Variants in GFPT2 observed in about 807,000 individuals in gnomAD.
GFPT2 encodes the protein glutamine--fructose-6-phosphate aminotransferase [isomerizing] 2.
GFPT2 carries 62 observed loss-of-function variants against 85.6 expected under a neutral mutation model. The ratio of observed to expected loss-of-function variants is 0.72; its 90% CI spans 0.59 to 0.90. GFPT2 has a LOEUF of 0.90. Ranked by LOEUF, GFPT2 falls within the 40% of genes least tolerant of loss-of-function variation. The pLI is 0.00. For missense variants in GFPT2, 788 were observed against 893.4 expected, an observed-to-expected ratio of 0.88 and a Z score of 1.50; for synonymous variants, 368 against 344.5, an observed-to-expected ratio of 1.07 and a Z score of -0.75.
chr5:180,321,916 T>C (rs192384932), intron 9 of GFPT2, among the ~76,000 whole-genome samples: 307 of 152,168 alleles, frequency 2.0e-3, no homozygotes, highest in African/African-American at 7.2e-3. Flanking sequence ...CCCGAGTAGC[T>C]GGGACTACAG....
At chr5:180,352,166 G>C (rs188560342) in intron 1 of GFPT2, among the ~76,000 whole-genome samples, 2 of 151,974 alleles carry the variant, frequency 1.3e-5, no homozygotes, top group Non-Finnish European at 2.9e-5. Context: ...CCCTTCTGCC[G>C]AGCAGCTGGC....
Position 180,304,946 on chromosome 5 carries a change from A to T in GFPT2, c.1675-7T>A. The T allele has an allele frequency of 6.3e-7, 1 of 1,599,484 alleles. No homozygotes were observed. Among genetic ancestry groups the T allele is most frequent in the South Asian group, 1.1e-5 (1 of 90,692 alleles). ...AGGTTATCTCTTTAATTTTCTGGAA[A>T]CAGGAGGTGAGATCAGAGTCACACT... On this transcript the variant is annotated splice_polypyrimidine_tract_variant and splice_region_variant and intron_variant, in intron 16 of 18. Transcript: ENST00000253778.
In GFPT2 at chr5:180,348,634, C is replaced by T. The variant is rs189782452; in HGVS notation, c.7+4577G>A. Among the ~76,000 whole-genome samples the T allele has an allele frequency of 8.4e-3, 1,273 of 152,278 alleles. 4 individuals carry two copies. Among genetic ancestry groups the T allele is most frequent in the Middle Eastern group, 0.027 (8 of 294 alleles). On this transcript the variant is annotated intron_variant, in intron 1 of 18. Transcript: ENST00000253778. ...GGAGACAGCCCCAGACTGCCCCAGG[C>T]CTCTTTGGGACCCCAGGAGTTAAAG...
At chr5:180,307,350 T>C in intron 15 of GFPT2, 47 bp from the exon 16 acceptor site, 1 of 1,600,368 alleles carries the variant, frequency 6.2e-7, no homozygotes, top group Admixed American at 1.7e-5. Flanking sequence ...AGGCCGACTT[T>C]AAAGCAATAT....
At position 180,328,957 on chromosome 5, in the gene GFPT2, C is replaced by T. The variant is rs1379429219; in HGVS notation, c.535-619G>A. On this transcript the variant is annotated intron_variant, in intron 6 of 18. Transcript: ENST00000253778. This position sits in a 1 kb window ranked among gnomAD's most constrained non-coding sequence, Gnocchi z 5.4. Reference sequence around the variant, plus strand: ...GCTATTATCCTTTCCATGGATACGACTGCCACCTGCCCTCTGGGCCTCAGC... The same window carrying T: ...GCTATTATCCTTTCCATGGATACGATTGCCACCTGCCCTCTGGGCCTCAGC... 6.6e-6 allele frequency among the ~76,000 whole-genome samples: 1 copy of T among 152,232 alleles called. No homozygotes were observed. Among genetic ancestry groups the T allele is most frequent in the African/African-American group, 2.4e-5 (1 of 41,468 alleles).
At chr5:180,313,453 T>C (rs557960216) in intron 14 of GFPT2, among the ~76,000 whole-genome samples, 15,274 of 135,448 alleles carry the variant, frequency 0.11, 1,189 homozygotes, top group East Asian at 0.16. Flanking sequence ...GAGCCGGGTG[T>C]GGGGCGGGTG....
At chr5:180,326,165 C>T (rs1450277519) in intron 7 of GFPT2, among the ~76,000 whole-genome samples, 2 of 152,174 alleles carry the variant, frequency 1.3e-5, no homozygotes, top group African/African-American at 2.4e-5. Flanking sequence ...AAATAAGAGG[C>T]TCACTCTGGT....
rs755340739 is a variant in GFPT2 at position 180,318,857 on chromosome 5, C to T, written c.894G>A (p.Ser298=). Residue 298 remains serine (S), a synonymous_variant, in exon 10 of 19, where the codon TCG becomes TCA. Transcript: ENST00000253778. The surrounding 1 kb of genome is among the most constrained non-coding windows in gnomAD (Gnocchi z 4.2). ...TGGCTCGAGATGGGTCATCACTGGC[C>T]GAGCGCTTGACCCGGTGAATGGAGA... ...GKLSIHRVKR[S]ASDDPSRAIQ... 2.4e-5 allele frequency: 38 copies of T among 1,613,886 alleles called. No individual in the cohort carries two copies. The highest frequency in any genetic ancestry group is 1.6e-4 in the Middle Eastern group (1 of 6,084).
At chr5:180,315,208 C>T (rs55840512) in intron 13 of GFPT2, among the ~76,000 whole-genome samples, 4,009 of 149,318 alleles carry the variant, frequency 0.027, 114 homozygotes, top group Non-Finnish European at 0.038. Context: ...GACGGAGTCT[C>T]GCTCTGTCGC....
In GFPT2 at chr5:180,316,802, C is replaced by T. The variant is rs373410666; in HGVS notation, c.1114G>A (p.Val372Met). ...TGGTAGCTGGTTCCACAGCCAATCA[C>T]GATGAGCCGTCGGCATCGTCGAATC... ...KEIRRCRRLIVIGCGTSYHAA... is the reference protein window; with the variant it reads ...KEIRRCRRLIMIGCGTSYHAA... The change falls in exon 12 of 19, where the codon GTG becomes ATG. Residue 372 changes from valine to methionine, a missense_variant. Val to Met is a conservative substitution (Grantham distance 21). Coordinates refer to ENST00000253778, the MANE Select transcript of GFPT2 (RefSeq NM_005110.4). 16 of 1,614,040 alleles carry T rather than the reference C, an allele frequency of 9.9e-6. No individual in the cohort carries two copies. The East Asian group carries it at 1.6e-4, about 16-fold the overall frequency.
In GFPT2 at chr5:180,316,365, C is replaced by A. The variant is rs368601222; in HGVS notation, c.1249G>T (p.Val417Phe). ...DRNTPVFRDDVCFFISQSGET... is the reference protein window; with the variant it reads ...DRNTPVFRDDFCFFISQSGET... ...CCTGACTGGCTGATGAAAAAGCAAA[C>A]GTCATCCCTGAACACAGGTGTGTTC... is the stretch of plus-strand genomic sequence containing the variant. Residue 417 changes from valine (V) to phenylalanine (F), a missense_variant, in exon 13 of 19, where the codon GTT becomes TTT. Physicochemically the swap from Val to Phe is conservative, Grantham distance 50. Coordinates refer to ENST00000253778, the MANE Select transcript of GFPT2 (RefSeq NM_005110.4). 2.5e-6 allele frequency: 4 copies of A among 1,614,130 alleles called. No homozygotes were observed. The Admixed American group carries it at 6.7e-5, about 27-fold the overall frequency.
chr5:180,311,672 C>T (rs1351353113), intron 15 of GFPT2, among the ~76,000 whole-genome samples: 3 of 151,936 alleles, frequency 2.0e-5, no homozygotes, highest in Admixed American at 6.5e-5. Context: ...TTCACGGAGC[C>T]GACATGTTAG....
chr5:180,329,188 C>T (rs1764262828), intron 6 of GFPT2, among the ~76,000 whole-genome samples: 1 of 152,170 alleles, frequency 6.6e-6, no homozygotes, highest in African/African-American at 2.4e-5. Flanking sequence ...GTGTGGAAGC[C>T]ACGGGCAGCC....
intron 13 of GFPT2, among the ~76,000 whole-genome samples, chr5:180,315,210 C>T (rs1047649895): frequency 2.7e-5 from 4 of 150,188 alleles, no homozygotes; most frequent in Admixed American, 1.3e-4. Context: ...CGGAGTCTCG[C>T]TCTGTCGCCC....
intron 7 of GFPT2, among the ~76,000 whole-genome samples, chr5:180,326,052 A>AT (rs397746503): frequency 2.6e-5 from 4 of 151,902 alleles, no homozygotes; most frequent in Non-Finnish European, 5.9e-5. Context: ...AAATAAATAA[A>AT]AGGATCTCAT....
At chr5:180,315,641 T>C (rs1260980560) in intron 13 of GFPT2, among the ~76,000 whole-genome samples, 3 of 152,202 alleles carry the variant, frequency 2.0e-5, no homozygotes, top group Non-Finnish European at 2.9e-5. Flanking sequence ...GCTAGGATAT[T>C]CATTATATGA....
At chr5:180,348,602 C>T (rs1666564003) in intron 1 of GFPT2, among the ~76,000 whole-genome samples, 1 of 152,196 alleles carries the variant, frequency 6.6e-6, no homozygotes, top group African/African-American at 2.4e-5. Flanking sequence ...GGGGACTTGG[C>T]TCCCCTGGAG....
At chr5:180,352,089 C>G (rs932894509) in intron 1 of GFPT2, among the ~76,000 whole-genome samples, 1 of 152,170 alleles carries the variant, frequency 6.6e-6, no homozygotes, top group South Asian at 2.1e-4. Flanking sequence ...GGAATTTCCA[C>G]GGATGCCTGT....
At chr5:180,329,246 T>C (rs1764263958) in intron 6 of GFPT2, among the ~76,000 whole-genome samples, 1 of 152,170 alleles carries the variant, frequency 6.6e-6, no homozygotes, top group Non-Finnish European at 1.5e-5. Context: ...CCAACTCAGC[T>C]ACAGGGCCAG....
Sources: allele counts gnomAD v4.1 joint callset (sites outside exome capture counted in the v4.1 genomes callset), GRCh38; gene constraint gnomAD v4.1.1; non-coding constraint Gnocchi (gnomAD v3.1); transcripts MANE v1.5; gene names NCBI Gene and HGNC (gene_info 2026-07-23, HGNC 2026-07-21).